Variants in VWA5B1 observed in about 807,000 individuals in gnomAD.
VWA5B1 encodes the protein von Willebrand factor A domain-containing protein 5B1.
VWA5B1 carries 115 observed loss-of-function variants against 118.2 expected under a neutral mutation model. The observed-to-expected ratio is 0.97, with a 90% CI of 0.84 to 1.14. The LOEUF (loss-of-function observed/expected upper bound fraction) is 1.14, where lower values mean the gene tolerates loss of function less well. Among genes scored for constraint, VWA5B1 ranks in the 50% most tolerant of loss-of-function variants. VWA5B1 has a pLI of 0.00. For missense variants in VWA5B1, 1,596 were observed against 1,603.8 expected, an observed-to-expected ratio of 1.00 and a Z score of 0.08; for synonymous variants, 682 against 658.4, an observed-to-expected ratio of 1.04 and a Z score of -0.55.
chr1:20,296,360 G>A (rs1034118037), intron 1 of VWA5B1, among the ~76,000 whole-genome samples: 4 of 152,176 alleles, frequency 2.6e-5, no homozygotes, highest in African/African-American at 7.2e-5. Context: ...AGGATTGCAC[G>A]GTGAAACTGA....
chr1:20,350,056 C>A (rs890542332), intron 18 of VWA5B1, 100 bp from the exon 19 acceptor site: 3 of 1,247,256 alleles, frequency 2.4e-6, no homozygotes, highest in African/African-American at 3.0e-5. Flanking sequence ...GTTCCCCAAC[C>A]CACCTGCAGA....
intron 4 of VWA5B1, among the ~76,000 whole-genome samples, chr1:20,314,797 T>A (rs992180116): frequency 2.0e-5 from 3 of 151,830 alleles, no homozygotes; most frequent in Non-Finnish European, 2.9e-5. Context: ...CCTGTAATGG[T>A]ACTGGCCAGA....
intron 16 of VWA5B1, among the ~76,000 whole-genome samples, chr1:20,344,699 C>T (rs1299498980): frequency 1.3e-5 from 2 of 151,982 alleles, no homozygotes. Context: ...AAATAGAGAA[C>T]GGTTATATCA....
intron 1 of VWA5B1, among the ~76,000 whole-genome samples, chr1:20,299,467 G>A (rs952146127): frequency 1.3e-5 from 2 of 152,164 alleles, no homozygotes; most frequent in African/African-American, 4.8e-5. Context: ...GCAGTAGTGC[G>A]ATCTTAGCTC....
At chr1:20,291,984 C>A (rs1269478249) in intron 1 of VWA5B1, among the ~76,000 whole-genome samples, 2 of 152,116 alleles carry the variant, frequency 1.3e-5, no homozygotes, top group African/African-American at 4.8e-5. Context: ...GGGCCAGAAC[C>A]TTTCCCTCCT....
chr1:20,348,164 C>A (rs946579979), intron 17 of VWA5B1, 81 bp from the exon 18 acceptor site: 5 of 1,270,458 alleles, frequency 3.9e-6, no homozygotes, highest in Non-Finnish European at 5.6e-6. Context: ...AAGCCAGAAT[C>A]ATTCCTGTCA....
intron 4 of VWA5B1, 116 bp from the exon 5 acceptor site, chr1:20,317,414 G>T: frequency 2.1e-6 from 3 of 1,406,246 alleles, no homozygotes; most frequent in Non-Finnish European, 2.8e-6. Context: ...ACGGGTCTGG[G>T]GGCCCCCTTG....
At chr1:20,348,159 A>G (rs1486058372) in intron 17 of VWA5B1, 86 bp from the exon 18 acceptor site, 16 of 1,244,554 alleles carry the variant, frequency 1.3e-5, no homozygotes, top group Non-Finnish European at 1.7e-5. Context: ...GATTGAAGCC[A>G]GAATCATTCC....
intron 7 of VWA5B1, among the ~76,000 whole-genome samples, chr1:20,321,814 A>T (rs1198971090): frequency 1.3e-5 from 2 of 152,132 alleles, no homozygotes; most frequent in Non-Finnish European, 2.9e-5. Flanking sequence ...GGAAAACAGG[A>T]AGAAGGTCAG....
chr1:20,328,306 T>G (rs373859806), intron 9 of VWA5B1, among the ~76,000 whole-genome samples: 1 of 152,138 alleles, frequency 6.6e-6, no homozygotes, highest in African/African-American at 2.4e-5. Context: ...AGCCCAGGCC[T>G]GCCACTCACT....
In VWA5B1 at chr1:20,354,020, C is replaced by T. The variant is rs1440433391; in HGVS notation, c.3405C>T (p.His1135=). The stretch of plus-strand genomic sequence containing the variant: ...TGGAGCCGAGGGCAGTGGTGGAGCA[C>T]ACTGGGAAGCTGTGGGCCACGGTGG... ...LGLEPRAVVE[H]TGKLWATVVG... The change falls in exon 22 of 22, where the codon CAC becomes CAT. Residue 1135 remains histidine (H), a synonymous_variant. Coordinates refer to ENST00000289815, the MANE Select transcript of VWA5B1 (RefSeq NM_001039500.3). 4 of 1,551,702 alleles carry T rather than the reference C, an allele frequency of 2.6e-6. No individual in the cohort carries two copies. The East Asian group carries it at 9.8e-5, about 38-fold the overall frequency.
At chr1:20,349,646 T>C (rs1278203324) in intron 18 of VWA5B1, among the ~76,000 whole-genome samples, 1 of 151,594 alleles carries the variant, frequency 6.6e-6, no homozygotes, top group Non-Finnish European at 1.5e-5. Context: ...CCTCCCAAAA[T>C]GCTGGGATCA....
At chr1:20,299,506 C>T (rs1301778407) in intron 1 of VWA5B1, among the ~76,000 whole-genome samples, 3 of 152,198 alleles carry the variant, frequency 2.0e-5, no homozygotes, top group Admixed American at 1.3e-4. Flanking sequence ...CAGGTTCAAG[C>T]GATTCTCGTG....
chr1:20,332,438 C>A (rs2089585235), intron 11 of VWA5B1, among the ~76,000 whole-genome samples: 1 of 150,006 alleles, frequency 6.7e-6, no homozygotes, highest in African/African-American at 2.5e-5. Context: ...CGAGATCATG[C>A]CACTGCACTC....
At chr1:20,333,098 G>T in intron 12 of VWA5B1, 147 bp downstream of exon 12, 1 of 1,002,890 alleles carries the variant, frequency 1.0e-6, no homozygotes, top group South Asian at 1.7e-5. Context: ...CCAGTTGTGG[G>T]TTTACAGTTG....
chr1:20,331,632 A>G (rs971304785), intron 11 of VWA5B1, among the ~76,000 whole-genome samples: 1 of 152,242 alleles, frequency 6.6e-6, no homozygotes, highest in East Asian at 1.9e-4. Context: ...GCCATCCAGC[A>G]GGGAGCTCTG....
intron 1 of VWA5B1, among the ~76,000 whole-genome samples, chr1:20,299,384 A>T (rs1264968566): frequency 6.6e-6 from 1 of 151,912 alleles, no homozygotes; most frequent in Non-Finnish European, 1.5e-5. Flanking sequence ...CTCGTGCTCC[A>T]GTTTTGGTTT....
At chr1:20,297,672 A>T (rs142567609) in intron 1 of VWA5B1, among the ~76,000 whole-genome samples, 2 of 152,336 alleles carry the variant, frequency 1.3e-5, no homozygotes, top group Non-Finnish European at 2.9e-5. Context: ...TCTTTCTCTG[A>T]CAACTAGCAC....
At chr1:20,337,918 A>G in intron 14 of VWA5B1, 82 bp downstream of exon 14, 1 of 1,525,586 alleles carries the variant, frequency 6.6e-7, no homozygotes, top group East Asian at 2.5e-5. Context: ...CAACCGCAGG[A>G]CGTGGCCATC....
Sources: allele counts gnomAD v4.1 joint callset (sites outside exome capture counted in the v4.1 genomes callset), GRCh38; gene constraint gnomAD v4.1.1; transcripts MANE v1.5; gene names NCBI Gene and HGNC (gene_info 2026-07-23, HGNC 2026-07-21).